The following PSG1 variants were observed in gnomAD, a reference collection of about 807,000 sequenced individuals.
PSG1 encodes the protein pregnancy specific beta-1-glycoprotein 1.
A neutral mutation model predicts 41.4 loss-of-function variants in PSG1; 60 were observed. The observed-to-expected ratio is 1.45, with a 90% CI of 1.18 to 1.80. The LOEUF (loss-of-function observed/expected upper bound fraction) is 1.80. Ranked by LOEUF, PSG1 falls within the 40% of genes most tolerant of loss-of-function variation. The pLI, the probability that PSG1 is intolerant of heterozygous loss-of-function variation, is 0.00. For synonymous variants in PSG1, 256 were observed against 192.9 expected (o/e 1.33, Z -2.71); for missense variants, 806 against 516.9 (o/e 1.56, Z -5.42).
At chr19:42,876,955 T>A (rs1365011480) in intron 2 of PSG1, 1 of 151,586 alleles carries the variant, frequency 6.6e-6, no homozygotes, top group African/African-American at 2.4e-5. Flanking sequence ...CCCCTTTGTG[T>A]TTGTGTGACT....
At chr19:42,876,102 C>G (rs1223753899) in intron 2 of PSG1, among the ~76,000 whole-genome samples, 1 of 151,350 alleles carries the variant, frequency 6.6e-6, no homozygotes, top group African/African-American at 2.4e-5. Flanking sequence ...GGGAAGGGAA[C>G]TGAACAGCCA....
chr19:42,879,285 T>C (rs1971764774), intron 1 of PSG1, among the ~76,000 whole-genome samples: 2 of 151,080 alleles, frequency 1.3e-5, no homozygotes, highest in Admixed American at 6.6e-5. Flanking sequence ...CCCGAGTAGC[T>C]AGGATTATAG....
intron 2 of PSG1, among the ~76,000 whole-genome samples, chr19:42,873,772 G>T (rs1305532565): frequency 1.3e-5 from 2 of 151,594 alleles, no homozygotes; most frequent in African/African-American, 4.8e-5. Context: ...TAAAAGAAGT[G>T]ATGTGTGTTA....
At chr19:42,878,756 C>A (rs528248418) in intron 1 of PSG1, among the ~76,000 whole-genome samples, 2 of 150,120 alleles carry the variant, frequency 1.3e-5, no homozygotes, top group Admixed American at 1.3e-4. Context: ...TGTCTTCCCC[C>A]CCATGACAGC....
chr19:42,868,018 A>G, intron 5 of PSG1, 83 bp downstream of exon 5: 1 of 1,610,452 alleles, frequency 6.2e-7, no homozygotes, highest in Non-Finnish European at 8.5e-7. Flanking sequence ...GGCTGGGAAT[A>G]CAATTGTTTT....
At chr19:42,869,250 A>G in intron 3 of PSG1, 3 of 1,080,094 alleles carry the variant, frequency 2.8e-6, no homozygotes, top group Non-Finnish European at 3.8e-6. Context: ...AGACTTTCTG[A>G]AGTGTCAATT....
chr19:42,877,987 G>C lies in PSG1; in HGVS notation c.356C>G (p.Ser119Cys), dbSNP rs1159402232. The C allele has an allele frequency of 1.2e-6, 2 of 1,612,430 alleles. No homozygotes were observed. Among genetic ancestry groups the C allele is most frequent in the South Asian group, 1.1e-5 (1 of 90,830 alleles). The change falls in exon 2 of 6, where the codon TCC (serine) becomes TGC (cysteine). Residue 119 changes from serine (S) to cysteine (C), a missense_variant. Transcript: ENST00000436291. ...IQNVTREDAGSYTLHIIKGDD... is the reference protein window; with the variant it reads ...IQNVTREDAGCYTLHIIKGDD... ...TCCCTTTATGATGTGTAAGGTGTAG[G>C]ATCCTGCGTCCTCCCGGGTGACATT... is the stretch of plus-strand genomic sequence containing the variant.
At position 42,873,364 on chromosome 19, in the gene PSG1, T is replaced by G. The variant is rs184414408; in HGVS notation, c.431-1319A>C. ...TTAGCATCACATCAGTGGTCAGAAG[T>G]GTTGAGTTTTGAGCATTTCAGATTG... On this transcript the variant is annotated intron_variant, in intron 2 of 5. Coordinates refer to ENST00000436291, the MANE Select transcript of PSG1 (RefSeq NM_001184825.2). Among the ~76,000 whole-genome samples the G allele has an allele frequency of 2.5e-3, 380 of 151,794 alleles. 8 individuals carry two copies. Among genetic ancestry groups the G allele is most frequent in the African/African-American group, 8.3e-3 (342 of 41,394 alleles).
chr19:42,872,671 G>C (rs1312842896), intron 2 of PSG1, among the ~76,000 whole-genome samples: 1 of 151,606 alleles, frequency 6.6e-6, no homozygotes, highest in African/African-American at 2.4e-5. Context: ...TTGAGCTAGT[G>C]ACTCTAAAGA....
At chr19:42,868,702 G>T (rs189374398) in intron 4 of PSG1, 54 bp downstream of exon 4, 2 of 1,604,396 alleles carry the variant, frequency 1.2e-6, no homozygotes, top group Non-Finnish European at 1.7e-6. Context: ...CTGGCATCTG[G>T]TGGTTTGGAT....
At position 42,867,939 on chromosome 19, in the gene PSG1, C is replaced by T. The variant is rs981157675; in HGVS notation, c.1243+162G>A. 2.7e-5 allele frequency: 42 copies of T among 1,552,556 alleles called. 1 individual carries two copies. Among genetic ancestry groups the T allele is most frequent in the Admixed American group, 5.9e-5 (3 of 50,948 alleles). The stretch of plus-strand genomic sequence containing the variant: ...ATATCAGCCTGTTTGTTAAAGTTTT[C>T]GAAGTTCTTAGACAAATTTGGAGGG... On this transcript the variant is annotated intron_variant, in intron 5 of 5. Transcript: ENST00000436291.
intron 2 of PSG1, among the ~76,000 whole-genome samples, chr19:42,876,330 C>G (rs565574442): frequency 6.6e-6 from 1 of 151,352 alleles, no homozygotes; most frequent in South Asian, 2.1e-4. Context: ...CCAAGGAGCC[C>G]TCGAGAACCC....
intron 2 of PSG1, among the ~76,000 whole-genome samples, chr19:42,876,071 G>A (rs1363069637): frequency 6.6e-6 from 1 of 151,332 alleles, no homozygotes; most frequent in East Asian, 1.9e-4. Flanking sequence ...CCTGGGAGGT[G>A]GGCCAGGCCA....
chr19:42,878,458 A>ATGTG (rs1397418812), intron 1 of PSG1, 180 bp from the exon 2 acceptor site: 4 of 1,112,180 alleles, frequency 3.6e-6, no homozygotes, highest in Admixed American at 2.7e-5. Flanking sequence ...GTGTGTGTGT[A>ATGTG]TGTGTGTGTG....
At position 42,868,890 on chromosome 19, in the gene PSG1, C is replaced by G. The variant is rs1971258349; in HGVS notation, c.854G>C (p.Arg285Thr). 6.2e-7 allele frequency: 1 copy of G among 1,610,742 alleles called. No homozygotes were observed. Among genetic ancestry groups the G allele is most frequent in the African/African-American group, 1.3e-5 (1 of 74,784 alleles). Residue 285 changes from arginine to threonine, a missense_variant, in exon 4 of 6, where the codon AGG becomes ACG. Coordinates refer to ENST00000436291, the MANE Select transcript of PSG1 (RefSeq NM_001184825.2). ...LNGQSLPVSP[R>T]VKRPIENRIL... ...CCTGTTTTCAATGGGTCGCTTTACC[C>G]TGGGACTGACCGGGAGGCTCTGACC...
chr19:42,878,786 G>A (rs926605871), intron 1 of PSG1, among the ~76,000 whole-genome samples: 3 of 150,684 alleles, frequency 2.0e-5, no homozygotes, highest in African/African-American at 7.4e-5. Flanking sequence ...GTGAAGACAG[G>A]GACTTTTGTG....
intron 2 of PSG1, among the ~76,000 whole-genome samples, chr19:42,873,909 T>C (rs1365663359): frequency 2.0e-5 from 3 of 151,638 alleles, no homozygotes; most frequent in Admixed American, 6.6e-5. Context: ...GAAACACCAC[T>C]AGAGTTTAAG....
In PSG1 at chr19:42,868,048, C is replaced by T. The variant is rs368435124; in HGVS notation, c.1243+53G>A. The T allele has an allele frequency of 3.2e-4, 518 of 1,611,786 alleles. 12 individuals are homozygous for T. Among genetic ancestry groups the T allele is most frequent in the Non-Finnish European group, 4.2e-4 (497 of 1,178,992 alleles). On this transcript the variant is annotated intron_variant, in intron 5 of 5. Transcript: ENST00000436291. ...TGTTTTCCTGACTCTTCTCTGAATG[C>T]CAGATAGACTCCACCTAAAACCCTA... is the stretch of plus-strand genomic sequence containing the variant.
chr19:42,877,235 T>C (rs1428318336), intron 2 of PSG1, among the ~76,000 whole-genome samples: 1 of 151,608 alleles, frequency 6.6e-6, no homozygotes, highest in African/African-American at 2.4e-5. Context: ...CTGGGGACAT[T>C]AGTCTTTCTA....
Sources: allele counts gnomAD v4.1 joint callset (sites outside exome capture counted in the v4.1 genomes callset), GRCh38; gene constraint gnomAD v4.1.1; transcripts MANE v1.5; gene names NCBI Gene and HGNC (gene_info 2026-07-23, HGNC 2026-07-21).